Variants in CORO7 observed in about 807,000 individuals in gnomAD.
CORO7 encodes the protein coronin 7.
In CORO7, 107 loss-of-function variants were observed where a neutral mutation model predicts 126.6. That is an observed-to-expected ratio of 0.85 (90% CI 0.72 to 0.99). The LOEUF is 0.99. Ranked by LOEUF, CORO7 falls within the 50% of genes least tolerant of loss-of-function variation. CORO7 has a pLI of 0.00. For missense variants in CORO7, 1,314 were observed against 1,255.8 expected, an observed-to-expected ratio of 1.05 and a Z score of -0.70; for synonymous variants, 603 against 536.8, an observed-to-expected ratio of 1.12 and a Z score of -1.70.
intron 5 of CORO7, among the ~76,000 whole-genome samples, chr16:4,406,022 C>T (rs1009826060): frequency 1.3e-5 from 2 of 152,196 alleles, no homozygotes; most frequent in South Asian, 2.1e-4. Flanking sequence ...CACTACTTTT[C>T]GGAGGCTTGC....
intron 14 of CORO7, among the ~76,000 whole-genome samples, chr16:4,363,672 A>C (rs1385118953): frequency 6.6e-6 from 1 of 151,976 alleles, no homozygotes; most frequent in Non-Finnish European, 1.5e-5. Context: ...AGATCGCACC[A>C]TTGCACTCCA....
chr16:4,370,911 G>A (rs1014697318), intron 9 of CORO7, among the ~76,000 whole-genome samples: 1 of 152,256 alleles, frequency 6.6e-6, no homozygotes, highest in African/African-American at 2.4e-5. Flanking sequence ...GAAGTCAGGA[G>A]CTGAGCTGGG....
chr16:4,396,746 TG>T (rs2055606170), intron 6 of CORO7, among the ~76,000 whole-genome samples: 1 of 152,118 alleles, frequency 6.6e-6, no homozygotes, highest in South Asian at 2.1e-4. Flanking sequence ...CCAGGCATGG[TG>T]GCTCACGCCT....
At position 4,387,913 on chromosome 16, in the gene CORO7, C is replaced by T. The variant is rs969666875; in HGVS notation, c.785+73G>A. On this transcript the variant is annotated intron_variant, in intron 9 of 27. Transcript: ENST00000251166. ...AGATCAGCCCGCCTCACTGACAGGC[C>T]GGATCAGGTGCCCTCACCTGCGGCG... 55 of 1,572,570 alleles carry T rather than the reference C, an allele frequency of 3.5e-5. No homozygotes were observed. The Middle Eastern group carries it at 8.3e-4, about 24-fold the overall frequency.
intron 9 of CORO7, among the ~76,000 whole-genome samples, chr16:4,383,712 GC>G (rs1555475643): frequency 6.6e-6 from 1 of 152,206 alleles, no homozygotes; most frequent in Non-Finnish European, 1.5e-5. Context: ...TGGGAGCAGG[GC>G]TGCCTCTGGC....
At chr16:4,380,314 C>A (rs1223472255) in intron 9 of CORO7, among the ~76,000 whole-genome samples, 1 of 152,234 alleles carries the variant, frequency 6.6e-6, no homozygotes. Context: ...CTAAGCAGGT[C>A]TGACTGCCCA....
At chr16:4,384,075 A>G (rs961327050) in intron 9 of CORO7, among the ~76,000 whole-genome samples, 2 of 152,214 alleles carry the variant, frequency 1.3e-5, no homozygotes, top group African/African-American at 4.8e-5. Context: ...CCCTGGCTAC[A>G]GCGAGGGCTC....
At chr16:4,412,685 G>A (rs1028847220) in intron 2 of CORO7, 8 of 521,500 alleles carry the variant, frequency 1.5e-5, no homozygotes, top group South Asian at 2.6e-5. Flanking sequence ...CGGGTCATAC[G>A]AAAGGGGCGT....
chr16:4,413,292 C>T lies in CORO7; in HGVS notation c.157+16G>A, dbSNP rs756911616. 1 of 1,563,300 alleles carries T rather than the reference C, an allele frequency of 6.4e-7. No homozygotes were observed. Among genetic ancestry groups the T allele is most frequent in the South Asian group, 1.2e-5 (1 of 85,074 alleles). ...GAATATGTGAGCAAATATCCACACT[C>T]ATGGCCATTCCCTACCAGGACGGTC... On this transcript the variant is annotated intron_variant, in intron 2 of 27. Coordinates refer to ENST00000251166, the MANE Select transcript of CORO7 (RefSeq NM_024535.5).
intron 14 of CORO7, chr16:4,363,097 C>G (rs568615609): frequency 5.4e-6 from 1 of 185,062 alleles, no homozygotes; most frequent in Non-Finnish European, 1.1e-5. Flanking sequence ...CAAGTTCCTT[C>G]TTTATGCTCC....
intron 20 of CORO7, 40 bp downstream of exon 20, chr16:4,360,404 A>C: frequency 6.2e-7 from 1 of 1,613,276 alleles, no homozygotes; most frequent in Non-Finnish European, 8.5e-7. Flanking sequence ...AGCACCCCTG[A>C]ACCAGGTCTG....
chr16:4,364,295 A>G lies in CORO7; in HGVS notation c.1256T>C (p.Val419Ala), dbSNP rs1406048607. 5.2e-6 allele frequency: 8 copies of G among 1,547,452 alleles called. No individual in the cohort carries two copies. Among genetic ancestry groups the G allele is most frequent in the Admixed American group, 4.1e-5 (2 of 49,160 alleles). Residue 419 changes from valine (V) to alanine (A), a missense_variant, in exon 14 of 28, where the codon GTG (valine) becomes GCG (alanine). Transcript: ENST00000251166. Reference sequence around the variant, plus strand: ...ACTTACGCTTGCGTCTGCATCACCCACGGGTGTCTCCATCACCGCAGGCTG... The same window carrying G: ...ACTTACGCTTGCGTCTGCATCACCCGCGGGTGTCTCCATCACCGCAGGCTG... ...TAQPAVMETPVGDADASEGFS... is the reference protein window; with the variant it reads ...TAQPAVMETPAGDADASEGFS...
intron 7 of CORO7, among the ~76,000 whole-genome samples, chr16:4,392,677 A>G (rs945193725): frequency 2.0e-5 from 3 of 152,212 alleles, no homozygotes; most frequent in Non-Finnish European, 4.4e-5. Flanking sequence ...TTGCCAGAGA[A>G]GGAGCTCCCA....
intron 5 of CORO7, 66 bp from the exon 6 acceptor site, chr16:4,405,633 G>A: frequency 1.3e-6 from 2 of 1,561,576 alleles, no homozygotes; most frequent in Non-Finnish European, 1.7e-6. Context: ...GTGGGGGCGG[G>A]CCTTGCTGGG....
chr16:4,370,820 C>CA (rs1052871658), intron 9 of CORO7, among the ~76,000 whole-genome samples: 4 of 152,110 alleles, frequency 2.6e-5, no homozygotes, highest in South Asian at 2.1e-4. Context: ...CTTCAGGCCC[C>CA]CCAAAGACTA....
intron 9 of CORO7, among the ~76,000 whole-genome samples, chr16:4,379,061 C>T (rs2054858894): frequency 6.6e-6 from 1 of 152,072 alleles, no homozygotes; most frequent in Admixed American, 6.5e-5. Flanking sequence ...GGACCACCTG[C>T]TCCTCCTCAC....
chr16:4,399,972 A>G (rs1317325701), intron 6 of CORO7, among the ~76,000 whole-genome samples: 52 of 152,384 alleles, frequency 3.4e-4, no homozygotes, highest in Non-Finnish European at 5.9e-5. Context: ...TACATACCAT[A>G]TAATTCCAAC....
rs113640236 is a variant in CORO7, at chr16:4,359,512, G to C, written c.2218C>G (p.Pro740Ala). 2.4e-5 allele frequency: 38 copies of C among 1,613,360 alleles called. No individual in the cohort carries two copies. Among genetic ancestry groups the C allele is most frequent in the Non-Finnish European group, 3.2e-5 (38 of 1,179,990 alleles). The change falls in exon 22 of 28, where the codon CCA becomes GCA. Residue 740 changes from proline to alanine, a missense_variant. Physicochemically the swap from Pro to Ala is conservative, Grantham distance 27 (BLOSUM62 -1). Transcript: ENST00000251166. Reference protein sequence around the residue: ...APSTLLPSYDPDTGLVLLTGK... With the variant: ...APSTLLPSYDADTGLVLLTGK... ...GTCAGGAGCACCAGGCCAGTGTCTG[G>C]GTCGTAGCTGGGCAGCAGGGTTGAG...
intron 6 of CORO7, among the ~76,000 whole-genome samples, chr16:4,401,666 G>C (rs745982279): frequency 2.6e-5 from 4 of 152,166 alleles, no homozygotes; most frequent in Non-Finnish European, 5.9e-5. Flanking sequence ...TGACAGAGCG[G>C]GCCAGAGAGA....
Sources: gnomAD v4.1 joint callset for allele counts (sites outside exome capture counted in the v4.1 genomes callset) on GRCh38, gnomAD v4.1.1 for gene constraint, MANE v1.5 for transcripts, NCBI Gene and HGNC (gene_info 2026-07-23, HGNC 2026-07-21) for gene names.